The following GAK variants were observed in gnomAD, a reference collection of about 807,000 sequenced individuals.
GAK encodes the protein cyclin G associated kinase.
In GAK, 79 loss-of-function variants were observed where a neutral mutation model predicts 143.9. That is an observed-to-expected ratio of 0.55 (90% CI 0.46 to 0.66). The LOEUF is 0.66. Among genes scored for constraint, GAK ranks in the 30% least tolerant of loss-of-function variants. The probability of loss-of-function intolerance (pLI) is 0.00; values close to 1 mark genes in which losing one functional copy is unlikely to be tolerated. For missense variants in GAK, 1,693 were observed against 1,779.7 expected, an observed-to-expected ratio of 0.95 and a Z score of 0.88; for synonymous variants, 881 against 765.5, an observed-to-expected ratio of 1.15 and a Z score of -2.49.
intron 1 of GAK, among the ~76,000 whole-genome samples, chr4:925,110 T>C (rs1724508798): frequency 6.6e-6 from 1 of 152,198 alleles, no homozygotes; most frequent in Non-Finnish European, 1.5e-5. Context: ...GAATGTGCAA[T>C]GCCAGAAGGG....
Position 883,402 on chromosome 4 carries a change from C to A in GAK, c.1317G>T (p.Arg439=). Reference sequence around the variant, plus strand: ...CTGGGTGCTTGGAGTCCAGGAACAACCGCACATCTTCGATGTTGTTTTTGA... The same window carrying A: ...CTGGGTGCTTGGAGTCCAGGAACAAACGCACATCTTCGATGTTGTTTTTGA... ...SALKNNIEDV[R]LFLDSKHPGH... is the part of the protein sequence containing the mutation. Residue 439 remains arginine (R), a synonymous_variant, in exon 13 of 28, where the codon CGG becomes CGT. Transcript: ENST00000314167. 1.2e-6 allele frequency: 2 copies of A among 1,613,798 alleles called. No homozygotes were observed. The highest frequency in any genetic ancestry group is 1.7e-6 in the Non-Finnish European group (2 of 1,180,000).
chr4:881,735 G>A (rs1715146044), intron 15 of GAK, among the ~76,000 whole-genome samples, 172 bp downstream of exon 15: 1 of 152,252 alleles, frequency 6.6e-6, no homozygotes, highest in Non-Finnish European at 1.5e-5. Flanking sequence ...TCCTCCCCGG[G>A]CTCTGCGGCC....
In GAK at chr4:888,893, T is replaced by C; in HGVS notation, c.1159A>G (p.Thr387Ala). 1 of 1,611,482 alleles carries C rather than the reference T, an allele frequency of 6.2e-7. No individual in the cohort carries two copies. Among genetic ancestry groups the C allele is most frequent in the Non-Finnish European group, 8.5e-7 (1 of 1,179,262 alleles). The change falls in exon 11 of 28, where the codon ACC becomes GCC. Residue 387 changes from threonine to alanine, a missense_variant. Physicochemically the swap from Thr to Ala is moderately conservative, Grantham distance 58. Around this residue, in one of 2 missense-constraint regions of GAK, gnomAD observed 871 missense variants for 991.0 expected, o/e 0.88. Transcript: ENST00000314167. ...ILRGGTERLF[T>A]NLKDTSSKVI... The stretch of plus-strand genomic sequence containing the variant: ...TTGGAGGAGGTGTCCTTGAGGTTGG[T>C]GAAGAGCCGCTCTGTCCCACCCCGC...
chr4:911,044 C>T (rs1721963562), intron 4 of GAK, among the ~76,000 whole-genome samples: 1 of 152,046 alleles, frequency 6.6e-6, no homozygotes, highest in Non-Finnish European at 1.5e-5. Context: ...GACCACTCTG[C>T]CCCTAGAACT....
Position 882,069 on chromosome 4 carries a change from G to A in GAK, c.1528-29C>T, listed in dbSNP as rs776002090. ...GGACAGACAGACACGTCTCGCGTGC[G>A]CCTCGCACTCATGCAGGACAAGGGC... On this transcript the variant is annotated intron_variant, in intron 14 of 27. Coordinates refer to ENST00000314167, the MANE Select transcript of GAK (RefSeq NM_005255.4). 5.1e-5 allele frequency: 80 copies of A among 1,572,018 alleles called. 1 individual carries two copies. In the South Asian group the frequency reaches 6.6e-4, roughly 13 times the overall value.
intron 14 of GAK, 26 bp from the exon 15 acceptor site, chr4:882,066 T>C (rs746889019): frequency 6.3e-7 from 1 of 1,578,806 alleles, no homozygotes; most frequent in Non-Finnish European, 8.6e-7. Context: ...ACGTCTCGCG[T>C]GCGCCTCGCA....
chr4:915,794 G>T (rs1723017722), intron 1 of GAK: 1 of 152,222 alleles, frequency 6.6e-6, no homozygotes, highest in East Asian at 1.9e-4. Context: ...TCCCTTCTGA[G>T]ATCAGGAAGG....
chr4:849,833 G>GGGCCCGCCCCCCCCCCC, intron 27 of GAK, 59 bp from the exon 28 acceptor site: 2 of 1,190,154 alleles, frequency 1.7e-6, no homozygotes, highest in Non-Finnish European at 2.3e-6. Flanking sequence ...GGCGGGGCAG[G>GGGCCCGCCCCCCCCCCC]ACCCCCCCCC....
At chr4:928,204 C>T (rs971095091) in intron 1 of GAK, among the ~76,000 whole-genome samples, 5 of 152,152 alleles carry the variant, frequency 3.3e-5, no homozygotes, top group East Asian at 3.9e-4. Context: ...ATTACAGGCA[C>T]GCGCCACCAT....
chr4:912,609 A>G, intron 3 of GAK, 126 bp downstream of exon 3: 1 of 696,540 alleles, frequency 1.4e-6, no homozygotes, highest in Non-Finnish European at 2.4e-6. Flanking sequence ...AAAAGCAAAA[A>G]GCCGATTTTA....
At chr4:929,468 G>A (rs1451005925) in intron 1 of GAK, among the ~76,000 whole-genome samples, 14 of 152,126 alleles carry the variant, frequency 9.2e-5, no homozygotes, top group Non-Finnish European at 5.9e-5. Context: ...CAGAAGCAAC[G>A]GCACGCAGAA....
At chr4:928,109 G>C (rs1273522050) in intron 1 of GAK, among the ~76,000 whole-genome samples, 1 of 152,228 alleles carries the variant, frequency 6.6e-6, no homozygotes, top group African/African-American at 2.4e-5. Flanking sequence ...CCAGGCTGGA[G>C]TGCAGTGGTG....
rs1481271900 is a variant in GAK, at chr4:890,757, G to A, written c.991-135C>T. ...TGATCTATGACACAGTGCAAGGGAG[G>A]AACTTCCCACAGGCTGAAGCATCAG... On this transcript the variant is annotated intron_variant, in intron 9 of 27. Transcript: ENST00000314167. The A allele has an allele frequency of 1.2e-5, 8 of 653,952 alleles. No homozygotes were observed. The African/African-American group carries it at 1.3e-4, about 11-fold the overall frequency. The allele number at this position is 653,952 out of a possible 1,614,324, so 40.5% of individuals were successfully genotyped here. A position where few individuals can be genotyped will look rare whatever the true frequency, so the allele number is the denominator to read the frequency against.
chr4:879,299 G>A (rs1010745390), intron 15 of GAK, among the ~76,000 whole-genome samples: 1 of 152,190 alleles, frequency 6.6e-6, no homozygotes, highest in East Asian at 1.9e-4. Context: ...ATATGGCAAT[G>A]CCTGTCTTTT....
intron 23 of GAK, among the ~76,000 whole-genome samples, chr4:862,085 A>T (rs1750383357): frequency 6.6e-6 from 1 of 151,700 alleles, no homozygotes; most frequent in South Asian, 2.1e-4. Flanking sequence ...CACCCGCCAG[A>T]CTCTCCATGC....
intron 1 of GAK, among the ~76,000 whole-genome samples, chr4:921,179 T>C (rs1238097964): frequency 6.6e-6 from 1 of 152,166 alleles, no homozygotes; most frequent in African/African-American, 2.4e-5. Context: ...CTCAGTTGAC[T>C]GTAGCCTCCG....
intron 11 of GAK, among the ~76,000 whole-genome samples, chr4:884,928 G>A (rs886265481): frequency 3.3e-5 from 5 of 152,188 alleles, no homozygotes; most frequent in African/African-American, 4.8e-5. Context: ...AAATACACAC[G>A]ACCGAACCAT....
chr4:863,266 TG>T (rs1474255838), intron 23 of GAK, among the ~76,000 whole-genome samples: 1 of 152,242 alleles, frequency 6.6e-6, no homozygotes, highest in Non-Finnish European at 1.5e-5. Flanking sequence ...ACCGAATTAC[TG>T]CAATCTCAGG....
intron 24 of GAK, among the ~76,000 whole-genome samples, chr4:858,388 T>C (rs1168920733): frequency 6.6e-6 from 1 of 152,012 alleles, no homozygotes; most frequent in Non-Finnish European, 1.5e-5. Flanking sequence ...GCTGGGGCTG[T>C]GTCTGGGACA....
Sources: gnomAD v4.1 joint callset for allele counts (sites outside exome capture counted in the v4.1 genomes callset) on GRCh38, gnomAD v4.1.1 for gene constraint, gnomAD v4.1.1 regional missense constraint, MANE v1.5 for transcripts, NCBI Gene and HGNC (gene_info 2026-07-23, HGNC 2026-07-21) for gene names.